WDR70: variants seen among roughly 807,000 people sequenced by gnomAD.
WDR70 encodes the protein WD repeat-containing protein 70.
WDR70 carries 53 observed loss-of-function variants against 88.6 expected under a neutral mutation model. The observed-to-expected ratio is 0.60, with a 90% CI of 0.48 to 0.75. The LOEUF (loss-of-function observed/expected upper bound fraction) is 0.75. Among genes scored for constraint, WDR70 ranks in the 30% least tolerant of loss-of-function variants. The pLI, the probability that WDR70 is intolerant of heterozygous loss-of-function variation, is 0.00. For synonymous variants in WDR70, 280 were observed against 270.0 expected (o/e 1.04, Z -0.36); for missense variants, 610 against 823.2 (o/e 0.74, Z 3.17).
At chr5:37,627,090 G>A (rs1275889491) in intron 10 of WDR70, among the ~76,000 whole-genome samples, 1 of 151,720 alleles carries the variant, frequency 6.6e-6, no homozygotes, top group Non-Finnish European at 1.5e-5. Flanking sequence ...GATCTTTTGT[G>A]TATTTTTTAG....
intron 3 of WDR70, among the ~76,000 whole-genome samples, chr5:37,385,477 C>T (rs1007421415): frequency 1.4e-5 from 2 of 142,466 alleles, no homozygotes; most frequent in Non-Finnish European, 3.0e-5. Context: ...TATGATCATG[C>T]CACTGCATCA....
intron 8 of WDR70, chr5:37,505,874 A>G: frequency 7.4e-7 from 1 of 1,355,110 alleles, no homozygotes; most frequent in East Asian, 2.3e-5. Context: ...TTTTTAAGGT[A>G]GCCACTCTCA....
chr5:37,721,269 A>T, intron 14 of WDR70, 54 bp downstream of exon 14: 1 of 1,492,256 alleles, frequency 6.7e-7, no homozygotes, highest in Admixed American at 1.7e-5. Context: ...GGGGGGAGGG[A>T]TTTCCCTCCC....
chr5:37,480,056 C>A, intron 8 of WDR70, 69 bp downstream of exon 8: 1 of 1,524,468 alleles, frequency 6.6e-7, no homozygotes, highest in Non-Finnish European at 8.8e-7. Context: ...TTTGAGTTAT[C>A]ATGTAATAAT....
intron 10 of WDR70, among the ~76,000 whole-genome samples, chr5:37,685,971 A>G (rs1012037895): frequency 2.6e-5 from 4 of 152,128 alleles, no homozygotes; most frequent in African/African-American, 9.7e-5. Context: ...AAGATCTGCT[A>G]GGAGCGTGCC....
At chr5:37,387,284 A>C (rs1211993602) in intron 3 of WDR70, among the ~76,000 whole-genome samples, 4 of 152,162 alleles carry the variant, frequency 2.6e-5, no homozygotes, top group Non-Finnish European at 5.9e-5. Flanking sequence ...TGAAGAGATT[A>C]AGATGTTGGG....
At chr5:37,749,049 C>T (rs144995928) in intron 17 of WDR70, among the ~76,000 whole-genome samples, 10,023 of 152,162 alleles carry the variant, frequency 0.066, 354 homozygotes, top group South Asian at 0.12. Context: ...GACAGTATGG[C>T]GATTCCTCAA....
chr5:37,637,700 C>T (rs561931368), intron 10 of WDR70, among the ~76,000 whole-genome samples: 6 of 152,276 alleles, frequency 3.9e-5, no homozygotes, highest in African/African-American at 1.2e-4. Context: ...AAGACAATCA[C>T]GTCTCCCGAT....
At chr5:37,386,368 C>T (rs1329347372) in intron 3 of WDR70, among the ~76,000 whole-genome samples, 1 of 151,982 alleles carries the variant, frequency 6.6e-6, no homozygotes, top group Admixed American at 6.6e-5. Context: ...TTTTGAGTTG[C>T]CCAGGCTGGA....
chr5:37,699,402 T>TACACACACACACACAC, intron 11 of WDR70, among the ~76,000 whole-genome samples: 1 of 70,804 alleles, frequency 1.4e-5, no homozygotes, highest in African/African-American at 7.9e-5. Flanking sequence ...TATATATATA[T>TACACACACACACACAC]ACACACACAC....
intron 9 of WDR70, among the ~76,000 whole-genome samples, chr5:37,561,778 T>C (rs537833525): frequency 6.6e-6 from 1 of 152,368 alleles, no homozygotes; most frequent in South Asian, 2.1e-4. Context: ...TTTTTAGTAG[T>C]AAATTAGAAA....
At chr5:37,427,760 G>A (rs965669049) in intron 5 of WDR70, among the ~76,000 whole-genome samples, 3 of 152,110 alleles carry the variant, frequency 2.0e-5, no homozygotes, top group Non-Finnish European at 4.4e-5. Flanking sequence ...GGTGGCGCGC[G>A]CCTGTAATCC....
intron 9 of WDR70, among the ~76,000 whole-genome samples, chr5:37,558,862 A>G (rs1363214429): frequency 6.6e-6 from 1 of 150,570 alleles, no homozygotes; most frequent in African/African-American, 2.4e-5. Flanking sequence ...CCTCTTTCCC[A>G]TAGCTGGATT....
chr5:37,638,631 T>C (rs1745032200), intron 10 of WDR70, among the ~76,000 whole-genome samples: 1 of 152,250 alleles, frequency 6.6e-6, no homozygotes. Context: ...GTTCTCAAAC[T>C]CCCTTCATGT....
chr5:37,438,356 G>A lies in WDR70; in HGVS notation c.552+375G>A, dbSNP rs78905641. Among the ~76,000 whole-genome samples, 333 of 152,184 alleles carry A rather than the reference G, an allele frequency of 2.2e-3. 1 individual carries two copies. The highest frequency in any genetic ancestry group is 3.1e-3 in the Non-Finnish European group (210 of 67,966). ...AAGGCATGAATTTGTTCATTTTTCA[G>A]ATGAATGTTGAGATAAGAAATGAAC... On this transcript the variant is annotated intron_variant, in intron 6 of 17. Coordinates refer to ENST00000265107, the MANE Select transcript of WDR70 (RefSeq NM_018034.4).
At chr5:37,680,367 T>A (rs561845606) in intron 10 of WDR70, among the ~76,000 whole-genome samples, 2 of 152,316 alleles carry the variant, frequency 1.3e-5, no homozygotes, top group East Asian at 3.9e-4. Flanking sequence ...ACTCTGTTGA[T>A]AGTTTCTGTT....
At chr5:37,568,526 A>C (rs957051813) in intron 9 of WDR70, among the ~76,000 whole-genome samples, 2 of 152,222 alleles carry the variant, frequency 1.3e-5, no homozygotes. Context: ...GCAAGGCACC[A>C]CAATAAAGTT....
chr5:37,621,585 T>A (rs893650907), intron 10 of WDR70, among the ~76,000 whole-genome samples: 11 of 152,328 alleles, frequency 7.2e-5, no homozygotes, highest in African/African-American at 2.6e-4. Context: ...GTTTGTTTTT[T>A]TCTTGTAAAT....
At chr5:37,698,792 C>T (rs1361368245) in intron 11 of WDR70, among the ~76,000 whole-genome samples, 1 of 152,182 alleles carries the variant, frequency 6.6e-6, no homozygotes, top group Non-Finnish European at 1.5e-5. Context: ...CCCTGGGGAA[C>T]TCATTCAGAT....
Sources: gnomAD v4.1 joint callset for allele counts (sites outside exome capture counted in the v4.1 genomes callset) on GRCh38, gnomAD v4.1.1 for gene constraint, MANE v1.5 for transcripts, NCBI Gene and HGNC (gene_info 2026-07-23, HGNC 2026-07-21) for gene names.